TDRD10: variants seen among roughly 807,000 people sequenced by gnomAD.
TDRD10 encodes the protein tudor domain containing 10.
TDRD10 carries 40 observed loss-of-function variants against 48.0 expected under a neutral mutation model. That is an observed-to-expected ratio of 0.83 (90% CI 0.65 to 1.09). TDRD10 has a LOEUF of 1.09. Among genes scored for constraint, TDRD10 ranks in the 50% least tolerant of loss-of-function variants. TDRD10 has a pLI of 0.00. For synonymous variants in TDRD10, 162 were observed against 170.4 expected, an observed-to-expected ratio of 0.95 and a Z score of 0.38; for missense variants, 378 against 434.7, an observed-to-expected ratio of 0.87 and a Z score of 1.16.
chr1:154,521,100 A>T (rs140921876), intron 5 of TDRD10, among the ~76,000 whole-genome samples: 33 of 152,298 alleles, frequency 2.2e-4, no homozygotes, highest in African/African-American at 7.7e-4. Flanking sequence ...ATGCATAGTG[A>T]AAGTCAGCTC....
chr1:154,538,053 G>C (rs1463641762), intron 6 of TDRD10, among the ~76,000 whole-genome samples: 1 of 152,224 alleles, frequency 6.6e-6, no homozygotes, highest in African/African-American at 2.4e-5. Context: ...TGTGCCTGCT[G>C]TGGCTGTTGG....
intron 1 of TDRD10, among the ~76,000 whole-genome samples, chr1:154,504,327 A>G (rs1570881813): frequency 6.6e-6 from 1 of 152,254 alleles, no homozygotes; most frequent in Admixed American, 6.5e-5. Flanking sequence ...CACTGCTATG[A>G]ATATTTGTGG....
intron 6 of TDRD10, among the ~76,000 whole-genome samples, chr1:154,539,322 AAC>A (rs1229954004): frequency 1.3e-4 from 20 of 151,846 alleles, no homozygotes; most frequent in Non-Finnish European, 2.8e-4. Flanking sequence ...CTTTTTTTTA[AAC>A]AGAGTCTCAC....
chr1:154,531,834 T>C (rs1431583761), intron 6 of TDRD10, among the ~76,000 whole-genome samples: 1 of 152,164 alleles, frequency 6.6e-6, no homozygotes, highest in Non-Finnish European at 1.5e-5. Flanking sequence ...TGCTGATTGG[T>C]GCGTTTACAA....
Position 154,542,719 on chromosome 1 carries a change from T to C in TDRD10, c.413-12T>C, listed in dbSNP as rs1695312282. On this transcript the variant is annotated splice_polypyrimidine_tract_variant and intron_variant, in intron 7 of 12. Transcript: ENST00000368482. ...TTCTGGTGCCTCCAGGACTTAGTCT[T>C]CTGCTTTCTAGCTATTATACAGCTC... The C allele has an allele frequency of 6.2e-7, 1 of 1,611,686 alleles. No homozygotes were observed. The highest frequency in any genetic ancestry group is 1.7e-5 in the Admixed American group (1 of 59,764).
intron 6 of TDRD10, among the ~76,000 whole-genome samples, chr1:154,531,130 C>T (rs902651325): frequency 6.6e-6 from 1 of 152,182 alleles, no homozygotes; most frequent in Non-Finnish European, 1.5e-5. Context: ...TGTGAGCCAC[C>T]ACGCCTGGCC....
intron 6 of TDRD10, among the ~76,000 whole-genome samples, chr1:154,533,766 C>T (rs1298636901): frequency 1.3e-5 from 2 of 151,894 alleles, no homozygotes; most frequent in Non-Finnish European, 2.9e-5. Flanking sequence ...TCGTGAGTAG[C>T]TGGGACTACA....
intron 6 of TDRD10, among the ~76,000 whole-genome samples, chr1:154,525,259 T>C (rs373681047): frequency 2.6e-5 from 4 of 152,140 alleles, no homozygotes; most frequent in Non-Finnish European, 5.9e-5. Flanking sequence ...GGCTCTCACC[T>C]TTTTTTCTCT....
chr1:154,519,203 G>A (rs1693925213), intron 4 of TDRD10, among the ~76,000 whole-genome samples: 1 of 152,210 alleles, frequency 6.6e-6, no homozygotes, highest in Admixed American at 6.5e-5. Flanking sequence ...CGAATTGCTT[G>A]TTCAGCATCT....
chr1:154,513,453 G>A (rs1474194983), intron 4 of TDRD10, among the ~76,000 whole-genome samples: 5 of 152,196 alleles, frequency 3.3e-5, no homozygotes, highest in Admixed American at 6.5e-5. Flanking sequence ...ATTAGAAAAT[G>A]ACCATTGTGC....
Position 154,544,046 on chromosome 1 carries a change from C to G in TDRD10, c.587C>G (p.Ala196Gly). ...CTCATCCATAGCGTCCGTGGGGAGG[C>G]GGGGCTGCTGGTGACGAGTATCGTC... ...LALIHSVRGE[A>G]GLLVTSIVPK... The change falls in exon 9 of 13, where the codon GCG (alanine) becomes GGG (glycine). Residue 196 changes from alanine (A) to glycine (G), a missense_variant. Ala to Gly is a moderately conservative substitution (Grantham distance 60). Coordinates refer to ENST00000368482, the MANE Select transcript of TDRD10 (RefSeq NM_182499.4). 6.2e-7 allele frequency: 1 copy of G among 1,614,148 alleles called. No homozygotes were observed. Among genetic ancestry groups the G allele is most frequent in the Non-Finnish European group, 8.5e-7 (1 of 1,180,020 alleles).
intron 4 of TDRD10, among the ~76,000 whole-genome samples, chr1:154,519,225 G>A (rs1291353571): frequency 6.6e-6 from 1 of 152,190 alleles, no homozygotes; most frequent in Non-Finnish European, 1.5e-5. Context: ...TTAGATTCAT[G>A]TGTAATAAAC....
At chr1:154,518,592 T>C (rs1262976100) in intron 4 of TDRD10, among the ~76,000 whole-genome samples, 1 of 152,176 alleles carries the variant, frequency 6.6e-6, no homozygotes, top group Non-Finnish European at 1.5e-5. Flanking sequence ...CACGCCCGGC[T>C]AATTTTTTTT....
At chr1:154,516,772 C>A (rs1434919941) in intron 4 of TDRD10, among the ~76,000 whole-genome samples, 1 of 152,148 alleles carries the variant, frequency 6.6e-6, no homozygotes, top group Non-Finnish European at 1.5e-5. Context: ...CATGACAAAA[C>A]CCCATCTCTA....
At chr1:154,524,148 T>A (rs535092536) in intron 6 of TDRD10, among the ~76,000 whole-genome samples, 6 of 152,278 alleles carry the variant, frequency 3.9e-5, no homozygotes, top group Admixed American at 6.5e-5. Context: ...GGGTAAAATT[T>A]TCAGGCCCCT....
intron 1 of TDRD10, among the ~76,000 whole-genome samples, chr1:154,504,028 ACTC>A (rs1055446725): frequency 2.4e-4 from 36 of 152,100 alleles, no homozygotes; most frequent in African/African-American, 8.2e-4. Flanking sequence ...ATTAGCAGTC[ACTC>A]CTCATTTCCC....
At chr1:154,516,972 T>C (rs1179005448) in intron 4 of TDRD10, among the ~76,000 whole-genome samples, 1 of 151,284 alleles carries the variant, frequency 6.6e-6, no homozygotes, top group Non-Finnish European at 1.5e-5. Flanking sequence ...GCAAGGACAT[T>C]GTAGGTTCGG....
intron 4 of TDRD10, among the ~76,000 whole-genome samples, chr1:154,511,941 A>C (rs1693500839): frequency 6.6e-6 from 1 of 152,084 alleles, no homozygotes; most frequent in Non-Finnish European, 1.5e-5. Context: ...AGGCACAAGA[A>C]TCACTTGAAC....
intron 6 of TDRD10, among the ~76,000 whole-genome samples, chr1:154,538,102 A>G (rs969532415): frequency 2.0e-5 from 3 of 152,216 alleles, no homozygotes; most frequent in Admixed American, 2.0e-4. Flanking sequence ...ACTTAATTTT[A>G]CAAACTGTCA....
Sources: gnomAD v4.1 joint callset for allele counts (sites outside exome capture counted in the v4.1 genomes callset) on GRCh38, gnomAD v4.1.1 for gene constraint, MANE v1.5 for transcripts, NCBI Gene and HGNC (gene_info 2026-07-23, HGNC 2026-07-21) for gene names.